Variants in CHORDC1 observed in about 807,000 individuals in gnomAD.
CHORDC1 encodes the protein cysteine and histidine rich domain containing 1, also known as cysteine and histidine-rich domain-containing protein 1.
Under a neutral mutation model 48.3 loss-of-function variants are expected in CHORDC1, and 25 were observed. That is an observed-to-expected ratio of 0.52 (90% CI 0.38 to 0.72). The LOEUF (loss-of-function observed/expected upper bound fraction) is 0.72. Ranked by LOEUF, CHORDC1 falls within the 30% of genes least tolerant of loss-of-function variation. The pLI, the probability that CHORDC1 is intolerant of heterozygous loss-of-function variation, is 0.00. For synonymous variants in CHORDC1, 128 were observed against 126.4 expected, an observed-to-expected ratio of 1.01 and a Z score of -0.09; for missense variants, 317 against 388.7, an observed-to-expected ratio of 0.82 and a Z score of 1.55.
chr11:90,206,855 T>A, intron 6 of CHORDC1: 1 of 833,160 alleles, frequency 1.2e-6, no homozygotes, highest in Non-Finnish European at 1.7e-6. Flanking sequence ...AACATGGATG[T>A]AGCCAGTAGT....
In CHORDC1 at chr11:90,200,726, A is replaced by G. The variant is rs1857525975; in HGVS notation, c.*1679T>C. ...TTACAATAACTCACTGCTTCAAATAATATTTCAATTACATGTAACAGATTA... is the reference window on the plus strand; with the variant it reads ...TTACAATAACTCACTGCTTCAAATAGTATTTCAATTACATGTAACAGATTA... On this transcript the variant is annotated 3_prime_UTR_variant, in exon 11 of 11. Transcript: ENST00000320585. Among the ~76,000 whole-genome samples, 1 of 151,982 alleles carries G rather than the reference A, an allele frequency of 6.6e-6. No homozygotes were observed. The highest frequency in any genetic ancestry group is 1.5e-5 in the Non-Finnish European group (1 of 67,852).
chr11:90,210,707 G>A, intron 5 of CHORDC1, 113 bp from the exon 6 acceptor site: 2 of 679,030 alleles, frequency 2.9e-6, no homozygotes, highest in Non-Finnish European at 5.1e-6. Context: ...AAACGACTGT[G>A]ACTAGGATTT....
At chr11:90,207,086 G>A in intron 6 of CHORDC1, 1 of 208,454 alleles carries the variant, frequency 4.8e-6, no homozygotes, top group South Asian at 7.1e-5. Context: ...TACAGACTCA[G>A]TTTCTCAAAG....
At chr11:90,209,751 A>G (rs1255815892) in intron 6 of CHORDC1, among the ~76,000 whole-genome samples, 2 of 152,170 alleles carry the variant, frequency 1.3e-5, no homozygotes, top group Non-Finnish European at 1.5e-5. Context: ...CTACTCTCCA[A>G]TCCCACTGTC....
At chr11:90,222,505 A>C in intron 1 of CHORDC1, 1 of 397,988 alleles carries the variant, frequency 2.5e-6, no homozygotes, top group Non-Finnish European at 4.8e-6. Context: ...TACTTCGGGA[A>C]CTACAAAGCA....
rs1857946392 is a variant in CHORDC1, at chr11:90,214,181, AGTGAAAGATAATTCATTAAG to A, written c.172-26_172-7del. On this transcript the variant is annotated splice_polypyrimidine_tract_variant and splice_region_variant and intron_variant, in intron 3 of 10. Transcript: ENST00000320585. Reference sequence around the variant, plus strand: ...TGTCTACCTTTTGTACAGCCCTGTTAGTGAAAGATAATTCATTAAGAGCTATCTATTTTACATTTCATGAT... The same window carrying A: ...TGTCTACCTTTTGTACAGCCCTGTTAAGCTATCTATTTTACATTTCATGAT... 1 of 1,587,458 alleles carries A rather than the reference AGTGAAAGATAATTCATTAAG, an allele frequency of 6.3e-7. No individual in the cohort carries two copies. The highest frequency in any genetic ancestry group is 1.4e-5 in the African/African-American group (1 of 73,446).
At chr11:90,211,373 T>A in intron 4 of CHORDC1, 55 bp from the exon 5 acceptor site, 1 of 1,108,186 alleles carries the variant, frequency 9.0e-7, no homozygotes. Flanking sequence ...TATTTCTTTG[T>A]ACTCCAAATT....
chr11:90,220,660 TAAC>T (rs1228233012), intron 1 of CHORDC1, among the ~76,000 whole-genome samples: 1 of 152,134 alleles, frequency 6.6e-6, no homozygotes, highest in African/African-American at 2.4e-5. Context: ...AAACAAGAAG[TAAC>T]AAGCAAATGG....
At chr11:90,203,674 G>T (rs1857597462) in intron 8 of CHORDC1, among the ~76,000 whole-genome samples, 1 of 149,794 alleles carries the variant, frequency 6.7e-6, no homozygotes, top group South Asian at 2.1e-4. Flanking sequence ...TTTCTTTCAG[G>T]GCCATAATAT....
intron 8 of CHORDC1, among the ~76,000 whole-genome samples, chr11:90,203,675 G>C (rs1252521350): frequency 1.3e-5 from 2 of 150,008 alleles, no homozygotes; most frequent in African/African-American, 4.8e-5. Context: ...TTCTTTCAGG[G>C]CCATAATATT....
intron 3 of CHORDC1, 23 bp downstream of exon 3, chr11:90,215,151 T>C: frequency 7.6e-7 from 1 of 1,323,584 alleles, no homozygotes; most frequent in Non-Finnish European, 1.0e-6. Context: ...GAAGATAATC[T>C]AGAAAAAATA....
intron 4 of CHORDC1, chr11:90,212,272 T>TA (rs57210481): frequency 0.16 from 24,018 of 152,108 alleles, 2,182 homozygotes; most frequent in East Asian, 0.27. Context: ...GTTCTCATGA[T>TA]AGTGAATAAG....
rs187852422 is a variant in CHORDC1 at position 90,219,071 on chromosome 11, G to C, written c.65-887C>G. Among the ~76,000 whole-genome samples, 430 of 152,084 alleles carry C rather than the reference G, an allele frequency of 2.8e-3. 3 individuals carry two copies. Among genetic ancestry groups the C allele is most frequent in the African/African-American group, 9.9e-3 (410 of 41,508 alleles). On this transcript the variant is annotated intron_variant, in intron 1 of 10. Coordinates refer to ENST00000320585, the MANE Select transcript of CHORDC1 (RefSeq NM_012124.3). ...ACCTGAGGTCAGGAGTACGAGACCA[G>C]CCTAACCAACATGGTGAAACCCCGT...
At position 90,215,141 on chromosome 11, in the gene CHORDC1, G is replaced by T. The variant is rs1403926289; in HGVS notation, c.171+33C>A. ...AGCTTTCTATAACATGTATTTTTAG[G>T]AAGATAATCTAGAAAAAATAATTAG... On this transcript the variant is annotated intron_variant, in intron 3 of 10. Transcript: ENST00000320585. 3.3e-6 allele frequency: 4 copies of T among 1,206,028 alleles called. No homozygotes were observed. The African/African-American group carries it at 4.7e-5, about 14-fold the overall frequency. 74.7% of individuals were successfully genotyped at this position (1,206,028 alleles called of 1,614,324 possible). A position where few individuals can be genotyped will look rare whatever the true frequency, so the allele number is the denominator to read the frequency against.
intron 1 of CHORDC1, among the ~76,000 whole-genome samples, chr11:90,219,856 TTAAAAATCAGG>T (rs1256642507): frequency 2.6e-5 from 4 of 152,154 alleles, no homozygotes; most frequent in Admixed American, 6.5e-5. Flanking sequence ...TACTATATTT[TTAAAAATCAGG>T]TAACAGTCAG....
intron 5 of CHORDC1, 188 bp downstream of exon 5, chr11:90,211,025 CAT>C: frequency 5.0e-6 from 2 of 397,990 alleles, no homozygotes; most frequent in African/African-American, 2.1e-5. Flanking sequence ...TGAATAAAGA[CAT>C]ATGGAATTAA....
chr11:90,200,571 T>G lies in CHORDC1; in HGVS notation c.*1834A>C, dbSNP rs370305180. On this transcript the variant is annotated 3_prime_UTR_variant, in exon 11 of 11. Transcript: ENST00000320585. ...TCGGATTTTTATCTGGACAAGAAAT[T>G]CAAAGGCTCCTTAAGAAGAAAGTAA... Among the ~76,000 whole-genome samples the G allele has an allele frequency of 2.1e-4, 32 of 152,000 alleles. No individual in the cohort carries two copies. Among genetic ancestry groups the G allele is most frequent in the African/African-American group, 6.5e-4 (27 of 41,536 alleles).
At chr11:90,214,635 G>T (rs1458351326) in intron 3 of CHORDC1, among the ~76,000 whole-genome samples, 1 of 152,040 alleles carries the variant, frequency 6.6e-6, no homozygotes, top group Non-Finnish European at 1.5e-5. Context: ...TATTTTCTGA[G>T]AGAGTTAAAT....
In CHORDC1 at chr11:90,215,140, G is replaced by A. The variant is rs941031122; in HGVS notation, c.171+34C>T. The A allele has an allele frequency of 2.5e-6, 3 of 1,200,272 alleles. No homozygotes were observed. The African/African-American group carries it at 4.7e-5, about 19-fold the overall frequency. The allele number at this position is 1,200,272 out of a possible 1,614,324, so 74.4% of individuals were successfully genotyped here. On this transcript the variant is annotated intron_variant, in intron 3 of 10. Coordinates refer to ENST00000320585, the MANE Select transcript of CHORDC1 (RefSeq NM_012124.3). The stretch of plus-strand genomic sequence containing the variant: ...AAGCTTTCTATAACATGTATTTTTA[G>A]GAAGATAATCTAGAAAAAATAATTA...
Sources: allele counts gnomAD v4.1 joint callset (sites outside exome capture counted in the v4.1 genomes callset), GRCh38; gene constraint gnomAD v4.1.1; transcripts MANE v1.5; gene names NCBI Gene and HGNC (gene_info 2026-07-23, HGNC 2026-07-21).